Variants in COL19A1 observed in about 807,000 individuals in gnomAD.
COL19A1 encodes the protein collagen alpha-1(XIX) chain.
Under a neutral mutation model 190.2 loss-of-function variants are expected in COL19A1, and 159 were observed. The observed-to-expected ratio is 0.84, with a 90% CI of 0.73 to 0.95. The LOEUF (loss-of-function observed/expected upper bound fraction) is 0.95, where lower values mean the gene tolerates loss of function less well. Ranked by LOEUF, COL19A1 falls within the 40% of genes least tolerant of loss-of-function variation. The pLI, the probability that COL19A1 is intolerant of heterozygous loss-of-function variation, is 0.00. For missense variants in COL19A1, 1,418 were observed against 1,431.9 expected (o/e 0.99, Z 0.16); for synonymous variants, 509 against 458.9 (o/e 1.11, Z -1.39).
chr6:70,198,741 T>C (rs1454952877), intron 48 of COL19A1, among the ~76,000 whole-genome samples: 1 of 152,196 alleles, frequency 6.6e-6, no homozygotes, highest in Non-Finnish European at 1.5e-5. Context: ...GCTTAAAACA[T>C]TTATCTTACA....
chr6:69,869,679 A>G (rs1332855331), intron 1 of COL19A1, among the ~76,000 whole-genome samples: 2 of 152,250 alleles, frequency 1.3e-5, no homozygotes, highest in Non-Finnish European at 2.9e-5. Context: ...AATTGTAATC[A>G]GAAAAAAATG....
At chr6:70,121,745 A>AT (rs1784889183) in intron 16 of COL19A1, 135 bp from the exon 17 acceptor site, 2 of 591,522 alleles carry the variant, frequency 3.4e-6, no homozygotes, top group Non-Finnish European at 5.9e-6. Context: ...TTTCTCTATT[A>AT]ATCAGAATAT....
chr6:69,938,447 T>C (rs1421575292), intron 9 of COL19A1, among the ~76,000 whole-genome samples: 1 of 152,134 alleles, frequency 6.6e-6, no homozygotes, highest in Admixed American at 6.6e-5. Flanking sequence ...CTTGCTTCTC[T>C]TGTCTTTTGA....
chr6:69,900,015 A>C (rs1001035637), intron 3 of COL19A1, among the ~76,000 whole-genome samples: 1 of 152,182 alleles, frequency 6.6e-6, no homozygotes, highest in Admixed American at 6.5e-5. Flanking sequence ...AAATATATTC[A>C]TGATTTTTTT....
chr6:69,899,139 C>T (rs1769988503), intron 3 of COL19A1, 117 bp downstream of exon 3: 3 of 623,422 alleles, frequency 4.8e-6, no homozygotes, highest in South Asian at 4.9e-5. Flanking sequence ...ATAGCATTAA[C>T]GTGAAAATTT....
intron 9 of COL19A1, among the ~76,000 whole-genome samples, chr6:69,951,162 T>C (rs1432012429): frequency 6.6e-6 from 1 of 151,908 alleles, no homozygotes; most frequent in Non-Finnish European, 1.5e-5. Context: ...TATGCTAATA[T>C]TAAATACTCA....
intron 14 of COL19A1, among the ~76,000 whole-genome samples, chr6:70,049,192 G>T (rs1417427038): frequency 2.0e-5 from 3 of 151,814 alleles, no homozygotes; most frequent in Admixed American, 1.3e-4. Context: ...TGCGTAATTT[G>T]TATTTAATTC....
At chr6:70,142,455 A>G (rs1013180077) in intron 22 of COL19A1, among the ~76,000 whole-genome samples, 1 of 152,206 alleles carries the variant, frequency 6.6e-6, no homozygotes, top group African/African-American at 2.4e-5. Context: ...GGGATTCCAC[A>G]GGAGTGTCCC....
At chr6:69,997,026 T>TATATATATAG (rs576813975) in intron 11 of COL19A1, among the ~76,000 whole-genome samples, 207 of 146,964 alleles carry the variant, frequency 1.4e-3, no homozygotes, top group African/African-American at 5.0e-3. Context: ...TATATATATA[T>TATATATATAG]AGAGAGAGAG....
intron 11 of COL19A1, among the ~76,000 whole-genome samples, chr6:69,970,029 C>T (rs1775332218): frequency 6.6e-6 from 1 of 152,206 alleles, no homozygotes; most frequent in Non-Finnish European, 1.5e-5. Flanking sequence ...CAAAGCCAGT[C>T]TCAAACCCAG....
At chr6:70,152,200 T>C (rs1458669192) in intron 31 of COL19A1, among the ~76,000 whole-genome samples, 2 of 152,114 alleles carry the variant, frequency 1.3e-5, no homozygotes, top group Non-Finnish European at 2.9e-5. Flanking sequence ...GTGTTGTATC[T>C]GTCTTTGTAT....
At position 70,068,456 on chromosome 6, in the gene COL19A1, C is replaced by G. The variant is rs1345236160; in HGVS notation, c.1204C>G (p.Pro402Ala). ...GGGGATACAAGGCCCCCAAGGTCCACCTGGAAAAGAGGGTCAGAGGGTAAG... is the reference window on the plus strand; with the variant it reads ...GGGGATACAAGGCCCCCAAGGTCCAGCTGGAAAAGAGGGTCAGAGGGTAAG... ...SLGIQGPQGP[P>A]GKEGQRGRRG... is the part of the protein sequence containing the mutation. Residue 402 changes from proline to alanine, a missense_variant, in exon 15 of 51, where the codon CCT becomes GCT. Physicochemically the swap from Pro to Ala is conservative, Grantham distance 27 (BLOSUM62 -1). Coordinates refer to ENST00000620364, the MANE Select transcript of COL19A1 (RefSeq NM_001858.6). 6.2e-7 allele frequency: 1 copy of G among 1,600,558 alleles called. No individual in the cohort carries two copies. The highest frequency in any genetic ancestry group is 1.1e-5 in the South Asian group (1 of 90,584).
At chr6:70,004,128 T>C (rs1777460915) in intron 11 of COL19A1, among the ~76,000 whole-genome samples, 2 of 152,184 alleles carry the variant, frequency 1.3e-5, no homozygotes, top group South Asian at 2.1e-4. Context: ...CCTTCACTTA[T>C]GAAGCTTAGT....
intron 11 of COL19A1, among the ~76,000 whole-genome samples, chr6:69,971,439 AC>A (rs1440550150): frequency 6.6e-6 from 1 of 152,030 alleles, no homozygotes; most frequent in African/African-American, 2.4e-5. Flanking sequence ...ATGCAGAAAA[AC>A]CCTCACGAGA....
At chr6:70,031,333 T>C (rs1195967001) in intron 12 of COL19A1, among the ~76,000 whole-genome samples, 1 of 152,162 alleles carries the variant, frequency 6.6e-6, no homozygotes, top group Non-Finnish European at 1.5e-5. Flanking sequence ...AGGTTGTCCA[T>C]TTTCCAAGTG....
intron 2 of COL19A1, among the ~76,000 whole-genome samples, chr6:69,897,457 T>C (rs1769862952): frequency 8.3e-6 from 1 of 120,346 alleles, no homozygotes; most frequent in African/African-American, 3.4e-5. Context: ...CTTGTCAGTT[T>C]TACACACACA....
chr6:70,024,601 GT>G (rs1778625063), intron 12 of COL19A1, among the ~76,000 whole-genome samples: 2 of 150,392 alleles, frequency 1.3e-5, no homozygotes, highest in Non-Finnish European at 3.0e-5. Context: ...GTGTGTGTGT[GT>G]GTGTGTGTGT....
chr6:70,028,364 G>A (rs889246774), intron 12 of COL19A1, among the ~76,000 whole-genome samples: 2 of 152,088 alleles, frequency 1.3e-5, no homozygotes, highest in Non-Finnish European at 2.9e-5. Flanking sequence ...GTGAAGGCTG[G>A]ACCTCCACTG....
intron 11 of COL19A1, among the ~76,000 whole-genome samples, chr6:69,993,801 C>T (rs929551604): frequency 3.9e-5 from 6 of 152,008 alleles, no homozygotes; most frequent in Non-Finnish European, 8.8e-5. Flanking sequence ...TCAGTGGTTA[C>T]GTCCCTTTTG....
Sources: allele counts gnomAD v4.1 joint callset (sites outside exome capture counted in the v4.1 genomes callset), GRCh38; gene constraint gnomAD v4.1.1; transcripts MANE v1.5; gene names NCBI Gene and HGNC (gene_info 2026-07-23, HGNC 2026-07-21).